The following ADAMTSL1 variants were observed in gnomAD, a reference collection of about 807,000 sequenced individuals.
The protein encoded by ADAMTSL1 is ADAMTS like 1, also known as ADAMTS-like protein 1.
Under a neutral mutation model 201.8 loss-of-function variants are expected in ADAMTSL1, and 126 were observed. The observed-to-expected ratio is 0.62, with a 90% CI of 0.54 to 0.72. The LOEUF is 0.72. ADAMTSL1 is among the 30% of genes least tolerant of loss of function. The pLI is 0.00. For synonymous variants in ADAMTSL1, 1,121 were observed against 903.4 expected, an observed-to-expected ratio of 1.24 and a Z score of -4.32; for missense variants, 2,679 against 2,277.8, an observed-to-expected ratio of 1.18 and a Z score of -3.59.
At chr9:18,242,725 T>G (rs764360667) in intron 2 of ADAMTSL1, among the ~76,000 whole-genome samples, 9 of 151,970 alleles carry the variant, frequency 5.9e-5, no homozygotes, top group Admixed American at 2.0e-4. Context: ...ACAACCTAAT[T>G]GAAAAAATTG....
At chr9:18,222,132 A>AT (rs1830282902) in intron 2 of ADAMTSL1, among the ~76,000 whole-genome samples, 1 of 151,744 alleles carries the variant, frequency 6.6e-6, no homozygotes, top group African/African-American at 2.4e-5. Flanking sequence ...TTCCTGTTAA[A>AT]TTTTTTCCAT....
intron 5 of ADAMTSL1, among the ~76,000 whole-genome samples, chr9:18,626,878 C>CTTTCTGTCTTT (rs1461320087): frequency 3.1e-4 from 28 of 90,070 alleles, no homozygotes; most frequent in African/African-American, 1.4e-3. Flanking sequence ...TGTCTTTCTT[C>CTTTCTGTCTTT]CTTCCTTCCT....
At chr9:18,875,130 A>T (rs1360382255) in intron 23 of ADAMTSL1, among the ~76,000 whole-genome samples, 1 of 152,096 alleles carries the variant, frequency 6.6e-6, no homozygotes, top group Non-Finnish European at 1.5e-5. Context: ...TTTGTTTCTA[A>T]TTGAGCTTAT....
rs191869759 is a variant in ADAMTSL1, at chr9:17,963,389, C to A, written c.87+56467C>A. 1.0e-3 allele frequency among the ~76,000 whole-genome samples: 157 copies of A among 152,212 alleles called. 1 individual carries two copies. Among genetic ancestry groups the A allele is most frequent in the African/African-American group, 3.5e-3 (147 of 41,552 alleles). On this transcript the variant is annotated intron_variant, in intron 1 of 29. Coordinates refer to the ADAMTSL1 transcript ENST00000680146. ...GGACATTTTGAGGGGAAAGTTAGAG[C>A]ACAGCTAGTAGTCATTCAGGATGAC...
intron 23 of ADAMTSL1, among the ~76,000 whole-genome samples, chr9:18,849,286 T>C (rs1242128354): frequency 1.3e-5 from 2 of 152,164 alleles, no homozygotes; most frequent in African/African-American, 2.4e-5. Context: ...TTATCATCCG[T>C]CCCACATACC....
chr9:18,219,252 C>A (rs1335941744), intron 2 of ADAMTSL1, among the ~76,000 whole-genome samples: 2 of 151,800 alleles, frequency 1.3e-5, no homozygotes, highest in African/African-American at 2.4e-5. Flanking sequence ...ATTAGTATAG[C>A]ATGGTGGGCC....
At chr9:17,951,036 A>G (rs949079920) in intron 1 of ADAMTSL1, among the ~76,000 whole-genome samples, 11 of 152,060 alleles carry the variant, frequency 7.2e-5, no homozygotes, top group Non-Finnish European at 1.2e-4. Context: ...CCCCTCCCCA[A>G]AATTCCTCTA....
rs544830673 is a variant in ADAMTSL1, at chr9:18,255,305, G to C, written c.207+91324G>C. On this transcript the variant is annotated intron_variant, in intron 2 of 29. Transcript: ENST00000680146. ...TGTAGCAGGCGTATAAGCGGCAGGC[G>C]TATGAGCGTTTGCTAGCATCTTTAA... 5.3e-5 allele frequency among the ~76,000 whole-genome samples: 8 copies of C among 152,096 alleles called. No individual in the cohort carries two copies. In the East Asian group the frequency reaches 1.5e-3, roughly 29 times the overall value.
At chr9:18,824,421 T>C (rs1391452378) in intron 21 of ADAMTSL1, among the ~76,000 whole-genome samples, 1 of 152,210 alleles carries the variant, frequency 6.6e-6, no homozygotes, top group Non-Finnish European at 1.5e-5. Flanking sequence ...CTCTCTCTGA[T>C]GTGACAAGGC....
intron 1 of ADAMTSL1, among the ~76,000 whole-genome samples, chr9:17,994,606 G>C (rs1168280202): frequency 6.6e-6 from 1 of 152,136 alleles, no homozygotes; most frequent in Non-Finnish European, 1.5e-5. Flanking sequence ...TCTAGCACTT[G>C]TATTTAATGT....
At chr9:18,028,263 A>G (rs1211647124) in intron 1 of ADAMTSL1, among the ~76,000 whole-genome samples, 1 of 152,008 alleles carries the variant, frequency 6.6e-6, no homozygotes, top group Non-Finnish European at 1.5e-5. Context: ...ATGTGTACTT[A>G]AGTGTGTTTT....
At chr9:18,684,549 G>T (rs374124530) in intron 12 of ADAMTSL1, among the ~76,000 whole-genome samples, 167 bp from the exon 13 acceptor site, 1 of 152,056 alleles carries the variant, frequency 6.6e-6, no homozygotes, top group Non-Finnish European at 1.5e-5. Flanking sequence ...TTTAAAATTC[G>T]ACTTTATTTT....
At position 18,515,417 on chromosome 9, in the gene ADAMTSL1, C is replaced by A. The variant is rs573668368; in HGVS notation, c.191+10461C>A. On this transcript the variant is annotated intron_variant, in intron 2 of 28. Transcript: ENST00000380548. ...TGGTGCCATCTCGGCTCACTGCAAC[C>A]TTTGCCTCCCAGTTTCAAACCGTCC... 5.2e-4 allele frequency among the ~76,000 whole-genome samples: 79 copies of A among 152,282 alleles called. 2 individuals are homozygous for A. The South Asian group carries it at 0.016, about 30-fold the overall frequency.
At chr9:18,023,551 T>C (rs1372648260) in intron 1 of ADAMTSL1, among the ~76,000 whole-genome samples, 1 of 152,188 alleles carries the variant, frequency 6.6e-6, no homozygotes, top group African/African-American at 2.4e-5. Context: ...TGCGTCTGAC[T>C]CATTAACACT....
At chr9:18,368,066 AT>A (rs71492939) in intron 2 of ADAMTSL1, among the ~76,000 whole-genome samples, 1,541 of 145,304 alleles carry the variant, frequency 0.011, 14 homozygotes, top group African/African-American at 0.024. Flanking sequence ...CGCCAGGCTA[AT>A]TTTTTTTTTT....
intron 2 of ADAMTSL1, among the ~76,000 whole-genome samples, chr9:18,467,729 T>A (rs1306644624): frequency 6.6e-6 from 1 of 152,176 alleles, no homozygotes; most frequent in African/African-American, 2.4e-5. Context: ...TACACAGTAG[T>A]CAAAGGACTT....
chr9:18,440,809 G>A (rs961177721), intron 2 of ADAMTSL1, among the ~76,000 whole-genome samples: 3 of 151,962 alleles, frequency 2.0e-5, no homozygotes, highest in Admixed American at 6.6e-5. Context: ...TTACTTACCA[G>A]ACTACCAGGA....
chr9:17,934,333 C>G (rs560534430), intron 1 of ADAMTSL1, among the ~76,000 whole-genome samples: 2 of 152,246 alleles, frequency 1.3e-5, no homozygotes, highest in African/African-American at 4.8e-5. Flanking sequence ...TTCTTCAAAT[C>G]TCTGGGACCT....
intron 1 of ADAMTSL1, among the ~76,000 whole-genome samples, chr9:18,501,484 A>G (rs1052272936): frequency 2.7e-5 from 4 of 150,224 alleles, no homozygotes; most frequent in Admixed American, 6.7e-5. Context: ...AGCCTGGGCA[A>G]CAAAGTAAGA....
Sources: gnomAD v4.1 joint callset for allele counts (sites outside exome capture counted in the v4.1 genomes callset) on GRCh38, gnomAD v4.1.1 for gene constraint, MANE v1.5 for transcripts, NCBI Gene and HGNC (gene_info 2026-07-23, HGNC 2026-07-21) for gene names.